Variants in SYN3 observed in about 807,000 individuals in gnomAD.
The protein encoded by SYN3 is synapsin-3.
SYN3 carries 35 observed loss-of-function variants against 65.8 expected under a neutral mutation model. The observed-to-expected ratio is 0.53, with a 90% CI of 0.41 to 0.70. The LOEUF (loss-of-function observed/expected upper bound fraction) is 0.70, where lower values mean the gene tolerates loss of function less well. Among genes scored for constraint, SYN3 ranks in the 30% least tolerant of loss-of-function variants. The probability of loss-of-function intolerance (pLI) is 0.00; values close to 1 mark genes in which losing one functional copy is unlikely to be tolerated. For synonymous variants in SYN3, 270 were observed against 292.9 expected (o/e 0.92, Z 0.80); for missense variants, 680 against 749.0 (o/e 0.91, Z 1.08).
chr22:32,913,299 C>G (rs905288030), intron 4 of SYN3, among the ~76,000 whole-genome samples: 1 of 151,976 alleles, frequency 6.6e-6, no homozygotes, highest in African/African-American at 2.4e-5. Flanking sequence ...GCTGGGACTA[C>G]AGGCACCCAC....
intron 12 of SYN3, among the ~76,000 whole-genome samples, chr22:32,519,120 G>GA (rs555311795): frequency 6.6e-6 from 1 of 151,970 alleles, no homozygotes; most frequent in Non-Finnish European, 1.5e-5. Context: ...CCAGAACTGT[G>GA]AAAAAAACAT....
chr22:32,515,049 C>T (rs918765664), intron 13 of SYN3, among the ~76,000 whole-genome samples: 12 of 151,876 alleles, frequency 7.9e-5, no homozygotes, highest in South Asian at 6.2e-4. Context: ...GGGACTTCAA[C>T]GCAGGGACTG....
chr22:32,521,507 C>T (rs888599391), intron 12 of SYN3, among the ~76,000 whole-genome samples: 16 of 145,548 alleles, frequency 1.1e-4, no homozygotes, highest in East Asian at 4.1e-4. Context: ...TGCAGTGGCG[C>T]GATCTCGGCT....
chr22:32,710,125 G>GTGTT (rs769860271), intron 6 of SYN3, among the ~76,000 whole-genome samples: 185 of 148,020 alleles, frequency 1.2e-3, no homozygotes, highest in Non-Finnish European at 1.8e-3. Flanking sequence ...GTGTGTGTGT[G>GTGTT]TGTGTGTATT....
At chr22:32,899,788 G>GTATACTT in intron 4 of SYN3, among the ~76,000 whole-genome samples, 1 of 27,128 alleles carries the variant, frequency 3.7e-5, no homozygotes, top group East Asian at 1.2e-3. Flanking sequence ...AAGGAAGTCG[G>GTATACTT]CCGGGCGCGG....
At chr22:32,607,358 C>T (rs1183882906) in intron 6 of SYN3, among the ~76,000 whole-genome samples, 1 of 152,176 alleles carries the variant, frequency 6.6e-6, no homozygotes, top group Non-Finnish European at 1.5e-5. Context: ...CATGAATTCC[C>T]ATCAAAAATG....
chr22:33,006,188 G>A (rs1370066446), intron 2 of SYN3, among the ~76,000 whole-genome samples, 164 bp downstream of exon 2: 1 of 152,192 alleles, frequency 6.6e-6, no homozygotes, highest in Non-Finnish European at 1.5e-5. Context: ...TGTGGGCCTA[G>A]CATGCAGCAG....
At chr22:32,644,211 T>C (rs1307082594) in intron 6 of SYN3, among the ~76,000 whole-genome samples, 1 of 150,070 alleles carries the variant, frequency 6.7e-6, no homozygotes, top group African/African-American at 2.5e-5. Flanking sequence ...TGCCAGAAAC[T>C]GTGCTAGGCA....
rs2057700532 is a variant in SYN3, at chr22:32,512,397, T to G, written c.*1295A>C. On this transcript the variant is annotated 3_prime_UTR_variant, in exon 14 of 14. Transcript: ENST00000358763. ...GGACCAGGAGGCTGCTTCTGGCACC[T>G]ACAATGTTTCCAGCACCAGGTGCTT... Among the ~76,000 whole-genome samples, 2 of 152,218 alleles carry G rather than the reference T, an allele frequency of 1.3e-5. No individual in the cohort carries two copies. The highest frequency in any genetic ancestry group is 4.8e-5 in the African/African-American group (2 of 41,456).
chr22:32,557,056 C>A (rs2146331830), intron 7 of SYN3, among the ~76,000 whole-genome samples: 1 of 152,248 alleles, frequency 6.6e-6, no homozygotes, highest in African/African-American at 2.4e-5. Flanking sequence ...ATAGATGCAT[C>A]AGGACCATGT....
chr22:32,724,872 G>A (rs2061168563), intron 6 of SYN3, among the ~76,000 whole-genome samples: 1 of 152,186 alleles, frequency 6.6e-6, no homozygotes, highest in Non-Finnish European at 1.5e-5. Flanking sequence ...TGTAATCCCA[G>A]CACTTTGGGA....
chr22:32,597,108 C>T (rs2059211374), intron 6 of SYN3, among the ~76,000 whole-genome samples: 1 of 151,908 alleles, frequency 6.6e-6, no homozygotes, highest in Non-Finnish European at 1.5e-5. Flanking sequence ...TAATAGTATC[C>T]CACGGGGTTG....
chr22:32,584,415 G>C (rs2058993338), intron 7 of SYN3, among the ~76,000 whole-genome samples: 1 of 152,150 alleles, frequency 6.6e-6, no homozygotes, highest in African/African-American at 2.4e-5. Context: ...CACCCCACCG[G>C]GTGATGTGTG....
chr22:32,982,896 G>A (rs1203355972), intron 2 of SYN3, among the ~76,000 whole-genome samples: 1 of 152,108 alleles, frequency 6.6e-6, no homozygotes, highest in Non-Finnish European at 1.5e-5. Context: ...CCAACTTACA[G>A]ATGAAGAAAC....
At chr22:32,641,999 C>T (rs1489230606) in intron 6 of SYN3, among the ~76,000 whole-genome samples, 1 of 151,904 alleles carries the variant, frequency 6.6e-6, no homozygotes, top group Non-Finnish European at 1.5e-5. Context: ...GGTTAAGTTT[C>T]CGGTTAAGGC....
At chr22:32,820,643 C>G (rs964633355) in intron 6 of SYN3, among the ~76,000 whole-genome samples, 9 of 152,076 alleles carry the variant, frequency 5.9e-5, no homozygotes, top group Non-Finnish European at 1.0e-4. Flanking sequence ...GGCAGGGGCC[C>G]GGAGAAAACA....
Position 32,518,039 on chromosome 22 carries a change from T to G in SYN3, c.1610+4A>C, listed in dbSNP as rs1433719072. 2.0e-6 allele frequency: 3 copies of G among 1,515,132 alleles called. No individual in the cohort carries two copies. Among genetic ancestry groups the G allele is most frequent in the Non-Finnish European group, 2.6e-6 (3 of 1,133,838 alleles). The allele number at this position is 1,515,132 out of a possible 1,614,324, so 93.9% of individuals were successfully genotyped here. A position where few individuals can be genotyped will look rare whatever the true frequency, so the allele number is the denominator to read the frequency against. On this transcript the variant is annotated splice_donor_region_variant and intron_variant, in intron 13 of 13. Transcript: ENST00000358763. ...ATACCTTTTCCAATTCCCAAAGCAC[T>G]TACTTGAGATGCGGATGGGGTGGTG...
chr22:32,590,142 T>G (rs1339109982), intron 7 of SYN3, among the ~76,000 whole-genome samples: 2 of 152,236 alleles, frequency 1.3e-5, no homozygotes, highest in African/African-American at 2.4e-5. Flanking sequence ...TCTCCATGAC[T>G]ATCCCTTCCG....
At chr22:33,009,231 TTG>T in intron 1 of SYN3, among the ~76,000 whole-genome samples, 1 of 152,156 alleles carries the variant, frequency 6.6e-6, no homozygotes, top group Non-Finnish European at 1.5e-5. Flanking sequence ...TTGTTTGATT[TTG>T]CACACTCCAT....
Sources: gnomAD v4.1 joint callset for allele counts (sites outside exome capture counted in the v4.1 genomes callset) on GRCh38, gnomAD v4.1.1 for gene constraint, MANE v1.5 for transcripts, NCBI Gene and HGNC (gene_info 2026-07-23, HGNC 2026-07-21) for gene names.